MDFIC: variants seen among roughly 807,000 people sequenced by gnomAD.
MDFIC encodes MyoD family inhibitor domain containing, also known as myoD family inhibitor domain-containing protein.
In MDFIC, 17 loss-of-function variants were observed where a neutral mutation model predicts 23.2. The observed-to-expected ratio is 0.73, with a 90% CI of 0.50 to 1.10. The LOEUF (loss-of-function observed/expected upper bound fraction) is 1.10. Among genes scored for constraint, MDFIC ranks in the 50% least tolerant of loss-of-function variants. The pLI, the probability that MDFIC is intolerant of heterozygous loss-of-function variation, is 0.00. For synonymous variants in MDFIC, 120 were observed against 115.2 expected (o/e 1.04, Z -0.27); for missense variants, 356 against 316.6 (o/e 1.12, Z -0.95).
chr7:114,981,098 G>A (rs1793409692), intron 4 of MDFIC, among the ~76,000 whole-genome samples: 2 of 152,194 alleles, frequency 1.3e-5, no homozygotes, highest in Admixed American at 1.3e-4. Flanking sequence ...GGCTCTCCAA[G>A]GAGTTGGGAA....
intron 2 of MDFIC, among the ~76,000 whole-genome samples, chr7:114,925,942 A>T (rs2115675491): frequency 6.6e-6 from 1 of 152,284 alleles, no homozygotes; most frequent in African/African-American, 2.4e-5. Context: ...ATTTGTTACT[A>T]CCTTGTGAAA....
chr7:114,986,052 A>G (rs1793507904), intron 4 of MDFIC, among the ~76,000 whole-genome samples: 2 of 141,560 alleles, frequency 1.4e-5, no homozygotes, highest in Non-Finnish European at 3.0e-5. Context: ...TTTTTTGTAC[A>G]TTAATAATGA....
At chr7:114,971,994 A>G (rs1264457767) in intron 3 of MDFIC, among the ~76,000 whole-genome samples, 1 of 152,194 alleles carries the variant, frequency 6.6e-6, no homozygotes, top group Non-Finnish European at 1.5e-5. Context: ...GTAATTCAGG[A>G]ATAAATGGGG....
Position 114,977,500 on chromosome 7 carries a change from T to C in MDFIC, c.218-2006T>C, listed in dbSNP as rs543358654. On this transcript the variant is annotated intron_variant, in intron 3 of 4. Transcript: ENST00000393486. ...CCTGTGTTGAGAGGCTCCACCACCC[T>C]GGTGTGGCTAACAGCTTGCATTGAT... Among the ~76,000 whole-genome samples, 3 of 152,232 alleles carry C rather than the reference T, an allele frequency of 2.0e-5. No homozygotes were observed. In the South Asian group the frequency reaches 6.2e-4, roughly 32 times the overall value.
At chr7:114,950,758 C>T (rs895507488) in intron 3 of MDFIC, among the ~76,000 whole-genome samples, 1 of 152,042 alleles carries the variant, frequency 6.6e-6, no homozygotes, top group Admixed American at 6.6e-5. Context: ...TAAAAATTGC[C>T]ATATATAACA....
intron 4 of MDFIC, among the ~76,000 whole-genome samples, chr7:114,994,439 T>C (rs1791273628): frequency 6.6e-6 from 1 of 152,158 alleles, no homozygotes. Context: ...AGTTTCTTCC[T>C]ACCATCAATG....
chr7:114,940,531 A>G (rs1792518030), intron 2 of MDFIC, among the ~76,000 whole-genome samples: 1 of 151,800 alleles, frequency 6.6e-6, no homozygotes, highest in Admixed American at 6.6e-5. Context: ...GGTACTTGGT[A>G]CTCTTCTTGA....
intron 4 of MDFIC, among the ~76,000 whole-genome samples, chr7:114,981,392 G>A (rs1793414802): frequency 6.6e-6 from 1 of 152,124 alleles, no homozygotes; most frequent in Non-Finnish European, 1.5e-5. Flanking sequence ...AGCTTCATAA[G>A]TAACATACGA....
At chr7:114,946,602 C>T in intron 3 of MDFIC, among the ~76,000 whole-genome samples, 1 of 152,144 alleles carries the variant, frequency 6.6e-6, no homozygotes, top group Admixed American at 6.6e-5. Context: ...TGATCTGAAG[C>T]AAAGTTAAAA....
At chr7:114,995,694 G>A (rs867612423) in intron 4 of MDFIC, among the ~76,000 whole-genome samples, 2 of 152,144 alleles carry the variant, frequency 1.3e-5, no homozygotes, top group South Asian at 2.1e-4. Context: ...CTGCCTGATC[G>A]TTCCTCTGGA....
At chr7:114,928,480 T>A in intron 2 of MDFIC, among the ~76,000 whole-genome samples, 1 of 152,096 alleles carries the variant, frequency 6.6e-6, no homozygotes, top group East Asian at 1.9e-4. Context: ...TTGATTTGAG[T>A]TGGACCAGGA....
At chr7:114,966,405 C>CAAAAAA (rs61377366) in intron 3 of MDFIC, among the ~76,000 whole-genome samples, 1 of 121,304 alleles carries the variant, frequency 8.2e-6, no homozygotes, top group African/African-American at 3.2e-5. Context: ...GTCAGGAAAC[C>CAAAAAA]AAAAAAAAAA....
intron 4 of MDFIC, among the ~76,000 whole-genome samples, chr7:114,994,125 G>C (rs189465998): frequency 2.6e-5 from 4 of 151,896 alleles, no homozygotes; most frequent in Admixed American, 2.6e-4. Context: ...GTCTCTTTTG[G>C]TCTTTGTTGG....
chr7:114,933,176 G>A (rs1297485673), intron 2 of MDFIC, among the ~76,000 whole-genome samples: 1 of 151,892 alleles, frequency 6.6e-6, no homozygotes, highest in Non-Finnish European at 1.5e-5. Flanking sequence ...TGGTGCATAT[G>A]CAAGTTATCA....
chr7:115,019,144 T>C lies in MDFIC; in HGVS notation c.*3209T>C, dbSNP rs1404296585. 1 of 151,958 alleles carries C rather than the reference T, an allele frequency of 6.6e-6. No homozygotes were observed. The highest frequency in any genetic ancestry group is 1.5e-5 in the Non-Finnish European group (1 of 67,906). 9.4% of individuals were successfully genotyped at this position (151,958 alleles called of 1,614,324 possible). ...ACCAAGGTAAAAATGATCAAACATA[T>C]ATGAAATTGAGTCTTAGATTTAATG... On this transcript the variant is annotated 3_prime_UTR_variant, in exon 5 of 5. Transcript: ENST00000393486.
At chr7:115,006,660 A>AT (rs1167155117) in intron 4 of MDFIC, among the ~76,000 whole-genome samples, 1 of 152,132 alleles carries the variant, frequency 6.6e-6, no homozygotes, top group East Asian at 1.9e-4. Flanking sequence ...TTTGGGAGAG[A>AT]TTTTTTGGGT....
chr7:114,944,663 G>C (rs1792610632), intron 3 of MDFIC, among the ~76,000 whole-genome samples: 1 of 152,166 alleles, frequency 6.6e-6, no homozygotes. Context: ...GGCCATCTCT[G>C]TGTAATTTAG....
In MDFIC at chr7:115,016,153, A is replaced by G; in HGVS notation, c.*218A>G. On this transcript the variant is annotated 3_prime_UTR_variant, in exon 5 of 5. Coordinates refer to ENST00000393486, the MANE Select transcript of MDFIC (RefSeq NM_001166345.3). ...TTTAACTAGTTTTATAAATTTCTTA[A>G]TATGTTACAATAACTTAGGGACATT... 2.0e-6 allele frequency: 1 copy of G among 490,194 alleles called. No individual in the cohort carries two copies. Among genetic ancestry groups the G allele is most frequent in the Non-Finnish European group, 3.6e-6 (1 of 280,298 alleles). The allele number at this position is 490,194 out of a possible 1,614,324, so 30.4% of individuals were successfully genotyped here. A position where few individuals can be genotyped will look rare whatever the true frequency, so the allele number is the denominator to read the frequency against.
chr7:114,968,866 T>A (rs568939128), intron 3 of MDFIC, among the ~76,000 whole-genome samples: 2 of 152,308 alleles, frequency 1.3e-5, no homozygotes, highest in South Asian at 4.1e-4. Flanking sequence ...CTACCAGAAA[T>A]AAATTTAATT....
Sources: allele counts gnomAD v4.1 joint callset (sites outside exome capture counted in the v4.1 genomes callset), GRCh38; gene constraint gnomAD v4.1.1; transcripts MANE v1.5; gene names NCBI Gene and HGNC (gene_info 2026-07-23, HGNC 2026-07-21).